Variants in CFI observed in about 807,000 individuals in gnomAD.
CFI encodes the protein C3B/C4B inactivator.
A neutral mutation model predicts 78.8 loss-of-function variants in CFI; 66 were observed. That is an observed-to-expected ratio of 0.84 (90% CI 0.69 to 1.03). The LOEUF (loss-of-function observed/expected upper bound fraction) is 1.03. CFI is among the 50% of genes least tolerant of loss of function. The probability of loss-of-function intolerance (pLI) is 0.00; values close to 1 mark genes in which losing one functional copy is unlikely to be tolerated. For synonymous variants in CFI, 250 were observed against 232.6 expected (o/e 1.07, Z -0.68); for missense variants, 706 against 704.5 (o/e 1.00, Z -0.02).
rs750018382 is a variant in CFI, at chr4:109,746,297, C to A, written c.1354G>T (p.Ala452Ser). ...KDCELPRSIP[A>S]CVPWSPYLFQ... ...AGGTAAGGAGACCAGGGGACACAGG[C>A]AGGGATGGAACGAGGCAGCTCACAA... Residue 452 changes from alanine (A) to serine (S), a missense_variant, in exon 11 of 13, where the codon GCC becomes TCC. Coordinates refer to ENST00000394634, the MANE Select transcript of CFI (RefSeq NM_000204.5). 1.5e-5 allele frequency: 25 copies of A among 1,614,026 alleles called. No homozygotes were observed. The highest frequency in any genetic ancestry group is 8.9e-5 in the East Asian group (4 of 44,904).
At chr4:109,749,075 C>T (rs982611830) in intron 10 of CFI, 143 bp downstream of exon 10, 11 of 830,050 alleles carry the variant, frequency 1.3e-5, no homozygotes, top group African/African-American at 6.7e-5. Context: ...GAATTCCAGT[C>T]GCGAATACCA....
At position 109,766,839 on chromosome 4, in the gene CFI, A is replaced by T; in HGVS notation, c.58-15T>A. 1 of 1,613,826 alleles carries T rather than the reference A, an allele frequency of 6.2e-7. No individual in the cohort carries two copies. The highest frequency in any genetic ancestry group is 2.2e-5 in the East Asian group (1 of 44,888). On this transcript the variant is annotated splice_polypyrimidine_tract_variant and intron_variant, in intron 1 of 12. Coordinates refer to ENST00000394634, the MANE Select transcript of CFI (RefSeq NM_000204.5). The stretch of plus-strand genomic sequence containing the variant: ...GTATAAGTGACCTGTAAAATGCAAA[A>T]TAAACATTAACTTAGCAACAAATTA...
intron 8 of CFI, among the ~76,000 whole-genome samples, chr4:109,750,047 A>C (rs1417436891): frequency 6.6e-6 from 1 of 151,770 alleles, no homozygotes; most frequent in Non-Finnish European, 1.5e-5. Context: ...CCCAGGCTGG[A>C]GTGCAATGGC....
intron 1 of CFI, among the ~76,000 whole-genome samples, chr4:109,774,572 G>A (rs1322833033): frequency 6.6e-6 from 1 of 152,118 alleles, no homozygotes; most frequent in African/African-American, 2.4e-5. Context: ...CAGAATTGGA[G>A]GAGTGGGTGA....
chr4:109,759,234 G>T (rs1332129581), intron 6 of CFI, among the ~76,000 whole-genome samples: 4 of 148,050 alleles, frequency 2.7e-5, no homozygotes, highest in African/African-American at 9.9e-5. Context: ...TATACTATAG[G>T]CAAACGACTC....
intron 1 of CFI, among the ~76,000 whole-genome samples, chr4:109,787,222 C>T (rs189371659): frequency 1.3e-5 from 2 of 152,176 alleles, no homozygotes; most frequent in East Asian, 3.9e-4. Flanking sequence ...AATTGGAAAA[C>T]TTTCAAAAAC....
intron 1 of CFI, among the ~76,000 whole-genome samples, chr4:109,799,215 C>T (rs1732446265): frequency 6.6e-6 from 1 of 152,130 alleles, no homozygotes; most frequent in Non-Finnish European, 1.5e-5. Context: ...CTGTTGTGTG[C>T]CTCCACTGTA....
At chr4:109,758,922 G>T (rs1726664521) in intron 6 of CFI, among the ~76,000 whole-genome samples, 1 of 152,180 alleles carries the variant, frequency 6.6e-6, no homozygotes, top group South Asian at 2.1e-4. Context: ...GCGAAACTCT[G>T]TCTCTTCTAA....
chr4:109,801,769 C>T, intron 1 of CFI, 146 bp downstream of exon 1: 2 of 573,564 alleles, frequency 3.5e-6, no homozygotes, highest in Non-Finnish European at 6.2e-6. Flanking sequence ...TAACATAAAA[C>T]ATTTGTTGCT....
At chr4:109,783,157 TA>T (rs1290860954) in intron 1 of CFI, among the ~76,000 whole-genome samples, 1 of 151,816 alleles carries the variant, frequency 6.6e-6, no homozygotes, top group Non-Finnish European at 1.5e-5. Flanking sequence ...GCAAATGCAA[TA>T]AAAACAAAGA....
rs190891885 is a variant in CFI at position 109,766,451 on chromosome 4, T to C, written c.328+103A>G. 66 of 1,397,816 alleles carry C rather than the reference T, an allele frequency of 4.7e-5. No homozygotes were observed. In the African/African-American group the frequency reaches 8.1e-4, roughly 17 times the overall value. The allele number at this position is 1,397,816 out of a possible 1,614,324, so 86.6% of individuals were successfully genotyped here. ...TGAGAGTCTAGAAAAAAATTTTGAG[T>C]TGTCATCATAACATACACAAGAGAA... is the stretch of plus-strand genomic sequence containing the variant. On this transcript the variant is annotated intron_variant, in intron 2 of 12. Coordinates refer to ENST00000394634, the MANE Select transcript of CFI (RefSeq NM_000204.5).
chr4:109,781,625 TAGAG>T (rs1340140754), intron 1 of CFI, among the ~76,000 whole-genome samples: 1 of 151,972 alleles, frequency 6.6e-6, no homozygotes, highest in African/African-American at 2.4e-5. Flanking sequence ...TTCCACAAGA[TAGAG>T]AAAGAAGGAA....
chr4:109,757,887 T>C, intron 6 of CFI, 104 bp from the exon 7 acceptor site: 1 of 1,345,934 alleles, frequency 7.4e-7, no homozygotes, highest in East Asian at 2.5e-5. Context: ...TTGCACCTTA[T>C]TTCTGTTTTC....
chr4:109,743,652 TGATTAAG>T (rs1419283650), intron 11 of CFI, among the ~76,000 whole-genome samples: 5 of 152,190 alleles, frequency 3.3e-5, no homozygotes, highest in African/African-American at 1.2e-4. Flanking sequence ...CTTTGATCAT[TGATTAAG>T]GACATATCTA....
intron 1 of CFI, among the ~76,000 whole-genome samples, chr4:109,767,567 CA>C (rs1326053812): frequency 1.3e-5 from 2 of 150,864 alleles, no homozygotes; most frequent in Non-Finnish European, 1.5e-5. Flanking sequence ...AAATGCAAAT[CA>C]AAACCACAAT....
chr4:109,746,627 C>T (rs964558470), intron 10 of CFI, 125 bp from the exon 11 acceptor site: 52 of 775,372 alleles, frequency 6.7e-5, no homozygotes, highest in Non-Finnish European at 9.4e-5. Flanking sequence ...TTTGTAAATG[C>T]TTGCTGTCAT....
At position 109,742,504 on chromosome 4, in the gene CFI, TTC is replaced by T; in HGVS notation, c.1519_1520del (p.Glu507AsnfsTer8). On this transcript the variant is annotated frameshift_variant, in exon 12 of 13. Coordinates refer to ENST00000394634, the MANE Select transcript of CFI (RefSeq NM_000204.5). LOFTEE classifies it high-confidence loss of function. ...KFYGNRFYEK[E>X]MECAGTYDGS... is the part of the protein sequence containing the mutation. ...CTTGGCACTTACCTGCACATTCCAT[TTC>T]TTTTTCATAGAAACGATTTCCGTAA... 1.9e-6 allele frequency: 3 copies of T among 1,610,748 alleles called. No homozygotes were observed. Among genetic ancestry groups the T allele is most frequent in the Non-Finnish European group, 2.5e-6 (3 of 1,176,952 alleles).
At position 109,760,446 on chromosome 4, in the gene CFI, T is replaced by C. The variant is rs986300200; in HGVS notation, c.773-66A>G. 34 of 1,506,666 alleles carry C rather than the reference T, an allele frequency of 2.3e-5. 1 individual carries two copies. The Admixed American group carries it at 3.5e-4, about 16-fold the overall frequency. The allele number at this position is 1,506,666 out of a possible 1,614,324, so 93.3% of individuals were successfully genotyped here. A position where few individuals can be genotyped will look rare whatever the true frequency, so the allele number is the denominator to read the frequency against. On this transcript the variant is annotated intron_variant, in intron 5 of 12. Transcript: ENST00000394634. ...AAGTTGAATGAGGTACAATATAAAATTCAATAGTAAAGTTGCTTTTCCTCT... is the reference window on the plus strand; with the variant it reads ...AAGTTGAATGAGGTACAATATAAAACTCAATAGTAAAGTTGCTTTTCCTCT...
chr4:109,790,809 T>C (rs529896425), intron 1 of CFI, among the ~76,000 whole-genome samples: 2 of 152,342 alleles, frequency 1.3e-5, no homozygotes, highest in South Asian at 2.1e-4. Context: ...TAGTACTCCA[T>C]GGTGTATATG....
Sources: allele counts gnomAD v4.1 joint callset (sites outside exome capture counted in the v4.1 genomes callset), GRCh38; gene constraint gnomAD v4.1.1; transcripts MANE v1.5; gene names NCBI Gene and HGNC (gene_info 2026-07-23, HGNC 2026-07-21).